B4GALT1: variants seen among roughly 807,000 people sequenced by gnomAD.
The protein encoded by B4GALT1 is N-acetyllactosamine synthase.
A neutral mutation model predicts 34.9 loss-of-function variants in B4GALT1; 16 were observed. That is an observed-to-expected ratio of 0.46 (90% CI 0.31 to 0.70). The LOEUF is 0.70. Ranked by LOEUF, B4GALT1 falls within the 30% of genes least tolerant of loss-of-function variation. The pLI, the probability that B4GALT1 is intolerant of heterozygous loss-of-function variation, is 0.05. For synonymous variants in B4GALT1, 221 were observed against 218.1 expected (o/e 1.01, Z -0.12); for missense variants, 445 against 530.5 (o/e 0.84, Z 1.58).
intron 2 of B4GALT1, among the ~76,000 whole-genome samples, chr9:33,124,487 A>T (rs1311356203): frequency 6.6e-6 from 1 of 152,184 alleles, no homozygotes; most frequent in African/African-American, 2.4e-5. Flanking sequence ...AAATGAGACA[A>T]CATTGTCTAC....
At chr9:33,123,832 C>T (rs1367400382) in intron 2 of B4GALT1, among the ~76,000 whole-genome samples, 2 of 152,248 alleles carry the variant, frequency 1.3e-5, no homozygotes, top group African/African-American at 4.8e-5. Flanking sequence ...AAGAAGCAGA[C>T]CTGGTTCCAG....
intron 1 of B4GALT1, among the ~76,000 whole-genome samples, chr9:33,142,382 G>C (rs999160050): frequency 2.0e-5 from 3 of 152,090 alleles, no homozygotes; most frequent in African/African-American, 7.2e-5. Context: ...CCCACAGATG[G>C]GAAAGGTGAC....
intron 2 of B4GALT1, among the ~76,000 whole-genome samples, chr9:33,125,020 G>A (rs1840070784): frequency 6.6e-6 from 1 of 152,180 alleles, no homozygotes; most frequent in Non-Finnish European, 1.5e-5. Flanking sequence ...ATCTTATGTT[G>A]GTAGACAAGA....
chr9:33,159,832 C>T (rs562127852), intron 1 of B4GALT1, among the ~76,000 whole-genome samples: 79 of 152,356 alleles, frequency 5.2e-4, no homozygotes, highest in Non-Finnish European at 4.9e-4. Context: ...CCCACAACCA[C>T]AGCCCCAGAG....
chr9:33,167,072 T>C lies in B4GALT1; in HGVS notation c.98A>G (p.His33Arg). Residue 33 changes from histidine (H) to arginine (R), a missense_variant, in exon 1 of 6, where the codon CAC becomes CGC. By Grantham distance (29) the His-to-Arg change is conservative (BLOSUM62 0). This residue lies in a region of B4GALT1 where 349 missense variants were observed against 395.5 expected (regional missense o/e 0.88). Coordinates refer to ENST00000379731, the MANE Select transcript of B4GALT1 (RefSeq NM_001497.4). ...CRLLVAVCAL[H>R]LGVTLVYYLA... Reference sequence around the variant, plus strand: ...GTAGTAAACGAGGGTGACGCCAAGGTGCAGAGCGCAGACGGCCACGAGCAG... The same window carrying C: ...GTAGTAAACGAGGGTGACGCCAAGGCGCAGAGCGCAGACGGCCACGAGCAG... 6.2e-7 allele frequency: 1 copy of C among 1,603,432 alleles called. No individual in the cohort carries two copies. The highest frequency in any genetic ancestry group is 8.5e-7 in the Non-Finnish European group (1 of 1,178,998).
At chr9:33,126,112 A>G (rs564140089) in intron 2 of B4GALT1, among the ~76,000 whole-genome samples, 8 of 152,184 alleles carry the variant, frequency 5.3e-5, no homozygotes, top group Non-Finnish European at 1.0e-4. Context: ...TAAGCTCTCA[A>G]CAGGACAGAT....
At chr9:33,135,522 G>T in intron 1 of B4GALT1, 98 bp from the exon 2 acceptor site, 2 of 1,244,946 alleles carry the variant, frequency 1.6e-6, no homozygotes. Context: ...CAGCTGCAGA[G>T]GAAATGTCTC....
intron 2 of B4GALT1, among the ~76,000 whole-genome samples, chr9:33,125,244 T>C (rs1401179680): frequency 6.6e-6 from 1 of 152,068 alleles, no homozygotes; most frequent in Non-Finnish European, 1.5e-5. Flanking sequence ...GAGAAAAGCA[T>C]GCATGGTGAG....
chr9:33,181,475 A>T, the B4GALT1 span, among the ~76,000 whole-genome samples: 1 of 140,066 alleles, frequency 7.1e-6, no homozygotes, highest in Non-Finnish European at 1.6e-5. Flanking sequence ...ATTCTTAGAT[A>T]AGAGTGTAGT....
the B4GALT1 span, among the ~76,000 whole-genome samples, chr9:33,173,109 A>G: frequency 6.6e-6 from 1 of 152,108 alleles, no homozygotes; most frequent in African/African-American, 2.4e-5. Flanking sequence ...CACTGATTAA[A>G]AAGTAACCAT....
At chr9:33,128,660 C>A (rs59570941) in intron 2 of B4GALT1, among the ~76,000 whole-genome samples, 11,955 of 152,234 alleles carry the variant, frequency 0.079, 777 homozygotes, top group African/African-American at 0.18. Context: ...CCCTACCCCA[C>A]TCCTCCCAAG....
chr9:33,111,513 C>T lies in B4GALT1; in HGVS notation c.*1941G>A, dbSNP rs1465657627. The T allele has an allele frequency of 2.0e-5, 3 of 152,514 alleles. No homozygotes were observed. Among genetic ancestry groups the T allele is most frequent in the Non-Finnish European group, 4.4e-5 (3 of 68,010 alleles). The allele number at this position is 152,514 out of a possible 1,614,324, so 9.4% of individuals were successfully genotyped here. ...ACAGAGAAATACTTTTTGCATAGTC[C>T]AGCTGCTTCTGCAATGGAAAATAAT... On this transcript the variant is annotated 3_prime_UTR_variant, in exon 6 of 6. Transcript: ENST00000379731.
intron 2 of B4GALT1, among the ~76,000 whole-genome samples, chr9:33,133,645 G>A (rs1840225663): frequency 6.6e-6 from 1 of 152,218 alleles, no homozygotes; most frequent in Non-Finnish European, 1.5e-5. Context: ...ACAACTGCGT[G>A]GCTGTCTTGC....
downstream of B4GALT1, among the ~76,000 whole-genome samples, chr9:33,108,532 T>C (rs1465114027): frequency 1.3e-5 from 2 of 151,878 alleles, no homozygotes; most frequent in African/African-American, 2.4e-5. Context: ...GGTCACAGAA[T>C]AAGAGGCAGT....
intron 1 of B4GALT1, among the ~76,000 whole-genome samples, chr9:33,150,055 T>TTA (rs1564050560): frequency 6.6e-6 from 1 of 151,990 alleles, no homozygotes; most frequent in African/African-American, 2.4e-5. Flanking sequence ...TATACTATGT[T>TTA]TATATATATA....
Position 33,119,322 on chromosome 9 carries a change from C to T in B4GALT1, c.836+1097G>A, listed in dbSNP as rs567664924. ...TTTGGATAATACGCTAGTCGGGCAT[C>T]TGGGCTGGCCACTTCACTAGGGGCA... On this transcript the variant is annotated intron_variant, in intron 3 of 5. Transcript: ENST00000379731. Among the ~76,000 whole-genome samples, 41 of 152,326 alleles carry T rather than the reference C, an allele frequency of 2.7e-4. 1 individual carries two copies. The highest frequency in any genetic ancestry group is 9.9e-4 in the African/African-American group (41 of 41,574).
At chr9:33,116,510 C>A (rs1268668943) in intron 3 of B4GALT1, among the ~76,000 whole-genome samples, 1 of 138,132 alleles carries the variant, frequency 7.2e-6, no homozygotes, top group East Asian at 2.2e-4. Context: ...TTGTAAGACA[C>A]CAAACCGGAT....
Position 33,111,269 on chromosome 9 carries a change from A to AAAAAAAAAAAAAC in B4GALT1, c.*2184_*2185insGTTTTTTTTTTTT, listed in dbSNP as rs1564033722. 6.9e-6 allele frequency: 1 copy of AAAAAAAAAAAAAC among 144,694 alleles called. No homozygotes were observed. The allele number at this position is 144,694 out of a possible 1,614,324, so 9.0% of individuals were successfully genotyped here. On this transcript the variant is annotated 3_prime_UTR_variant, in exon 6 of 6. Transcript: ENST00000379731. Reference sequence around the variant, plus strand: ...GGTAACCAAAAAAAAAAAAAAAAAAAAAAAAAAAACAACAAGAAAAGGTAG... The same window carrying AAAAAAAAAAAAAC: ...GGTAACCAAAAAAAAAAAAAAAAAAAAAAAAAAAAAAACAAAAAAAAACAACAAGAAAAGGTAG...
intron 2 of B4GALT1, among the ~76,000 whole-genome samples, chr9:33,126,215 G>C (rs1320195943): frequency 6.6e-6 from 1 of 152,128 alleles, no homozygotes; most frequent in African/African-American, 2.4e-5. Flanking sequence ...GAAGGAACTA[G>C]GCCGAGTGGG....
Sources: allele counts gnomAD v4.1 joint callset (sites outside exome capture counted in the v4.1 genomes callset), GRCh38; gene constraint gnomAD v4.1.1; regional missense constraint gnomAD v4.1.1; transcripts MANE v1.5; gene names NCBI Gene and HGNC (gene_info 2026-07-23, HGNC 2026-07-21).